Variants in NDST4 observed in about 807,000 individuals in gnomAD.
The protein encoded by NDST4 is N-heparan sulfate sulfotransferase 4.
A neutral mutation model predicts 100.8 loss-of-function variants in NDST4; 63 were observed. That is an observed-to-expected ratio of 0.62 (90% CI 0.51 to 0.77). The LOEUF is 0.77. Ranked by LOEUF, NDST4 falls within the 30% of genes least tolerant of loss-of-function variation. The pLI, the probability that NDST4 is intolerant of heterozygous loss-of-function variation, is 0.00. For synonymous variants in NDST4, 377 were observed against 361.8 expected, an observed-to-expected ratio of 1.04 and a Z score of -0.48; for missense variants, 943 against 1,018.4, an observed-to-expected ratio of 0.93 and a Z score of 1.01.
intron 1 of NDST4, among the ~76,000 whole-genome samples, chr4:115,080,750 A>T (rs939516353): frequency 6.6e-6 from 1 of 151,918 alleles, no homozygotes; most frequent in Non-Finnish European, 1.5e-5. Context: ...GTCGAAGGAG[A>T]TTATTAATCT....
rs367579960 is a variant in NDST4, at chr4:114,877,087, C to CACACACAT, written c.1537-6138_1537-6137insATGTGTGT. Among the ~76,000 whole-genome samples the CACACACAT allele has an allele frequency of 3.2e-3, 487 of 151,602 alleles. 1 individual carries two copies. Among genetic ancestry groups the CACACACAT allele is most frequent in the African/African-American group, 1.0e-2 (414 of 41,488 alleles). ...TAACACACACACACACACACACACACGCGTGCACGCGCGCAAGCCTGGGCA... is the reference window on the plus strand; with the variant it reads ...TAACACACACACACACACACACACACACACACATGCGTGCACGCGCGCAAGCCTGGGCA... On this transcript the variant is annotated intron_variant, in intron 6 of 13. Transcript: ENST00000264363.
At chr4:114,894,920 T>C (rs556895767) in intron 6 of NDST4, among the ~76,000 whole-genome samples, 1 of 152,288 alleles carries the variant, frequency 6.6e-6, no homozygotes, top group Non-Finnish European at 1.5e-5. Flanking sequence ...GTTCCATCAA[T>C]ACCTAGTTTA....
rs1412779193 is a variant in NDST4, at chr4:114,852,605, A to T, written c.1816+120T>A. On this transcript the variant is annotated intron_variant, in intron 8 of 13. Coordinates refer to ENST00000264363, the MANE Select transcript of NDST4 (RefSeq NM_022569.3). ...GAGATGACAAGCAGTTCAAATAATA[A>T]ACTTGCATGGATAGCTAAATATTTC... 8.4e-6 allele frequency: 5 copies of T among 596,234 alleles called. No homozygotes were observed. The African/African-American group carries it at 9.6e-5, about 11-fold the overall frequency. The allele number at this position is 596,234 out of a possible 1,614,324, so 36.9% of individuals were successfully genotyped here.
At chr4:115,065,792 T>C (rs2126285351) in intron 2 of NDST4, among the ~76,000 whole-genome samples, 1 of 152,260 alleles carries the variant, frequency 6.6e-6, no homozygotes, top group East Asian at 1.9e-4. Flanking sequence ...ATAGGGGATT[T>C]ATATTCTGGC....
chr4:115,032,766 C>T (rs28681493), intron 2 of NDST4, among the ~76,000 whole-genome samples: 15,223 of 151,944 alleles, frequency 0.1, 2,341 homozygotes, highest in African/African-American at 0.33. Flanking sequence ...ATAGTTGTTG[C>T]TGATGTTATA....
chr4:114,830,619 G>A (rs1560767991), intron 12 of NDST4, among the ~76,000 whole-genome samples: 2 of 152,170 alleles, frequency 1.3e-5, no homozygotes, highest in African/African-American at 2.4e-5. Context: ...AGTCAAATAT[G>A]TAAGAATTTT....
At chr4:115,001,466 T>C (rs187309031) in intron 2 of NDST4, among the ~76,000 whole-genome samples, 1 of 150,696 alleles carries the variant, frequency 6.6e-6, no homozygotes, top group Non-Finnish European at 1.5e-5. Context: ...GATTCATGGG[T>C]TTTTTTTTCC....
chr4:114,884,517 C>G (rs1724437293), intron 6 of NDST4, among the ~76,000 whole-genome samples: 1 of 152,060 alleles, frequency 6.6e-6, no homozygotes, highest in Non-Finnish European at 1.5e-5. Context: ...CATACATGTT[C>G]TGATAGTAGT....
chr4:114,929,140 C>T (rs1433017615), intron 6 of NDST4, among the ~76,000 whole-genome samples: 1 of 151,406 alleles, frequency 6.6e-6, no homozygotes, highest in Non-Finnish European at 1.5e-5. Context: ...ATCTATCTAT[C>T]TATCTATCTA....
chr4:114,953,020 CT>C (rs201567077), intron 4 of NDST4, among the ~76,000 whole-genome samples: 4,307 of 135,894 alleles, frequency 0.032, 148 homozygotes, highest in African/African-American at 0.093. Flanking sequence ...CATTTTTTTT[CT>C]TTTTTTTTTT....
intron 2 of NDST4, among the ~76,000 whole-genome samples, chr4:115,041,315 G>C (rs998778617): frequency 4.6e-5 from 7 of 152,002 alleles, no homozygotes; most frequent in Non-Finnish European, 8.8e-5. Context: ...CAGACTATTA[G>C]ACAACTTATT....
chr4:114,986,832 A>G lies in NDST4; in HGVS notation c.979-9558T>C, dbSNP rs1837805. Among the ~76,000 whole-genome samples the G allele has an allele frequency of 1.3e-4, 12 of 94,656 alleles. 1 individual carries two copies. Among genetic ancestry groups the G allele is most frequent in the Non-Finnish European group, 2.6e-4 (12 of 46,230 alleles). 62.1% of individuals were successfully genotyped at this position (94,656 alleles called of 152,430 possible). A position where few individuals can be genotyped will look rare whatever the true frequency, so the allele number is the denominator to read the frequency against. On this transcript the variant is annotated intron_variant, in intron 2 of 13. Coordinates refer to ENST00000264363, the MANE Select transcript of NDST4 (RefSeq NM_022569.3). The stretch of plus-strand genomic sequence containing the variant: ...TATATATATATATATATATATATAT[A>G]TTTTAATATACTATTCCTATAAGCT...
intron 7 of NDST4, among the ~76,000 whole-genome samples, chr4:114,857,319 C>A (rs1214997046): frequency 6.6e-6 from 1 of 152,088 alleles, no homozygotes; most frequent in African/African-American, 2.4e-5. Context: ...AACTACCCAC[C>A]ATGAACTGAA....
intron 2 of NDST4, among the ~76,000 whole-genome samples, chr4:114,992,057 C>T (rs951554409): frequency 6.6e-6 from 1 of 151,504 alleles, no homozygotes; most frequent in African/African-American, 2.4e-5. Flanking sequence ...TCCCATATAC[C>T]GAATACTTAT....
intron 5 of NDST4, among the ~76,000 whole-genome samples, chr4:114,936,139 GAT>G (rs1725624160): frequency 6.6e-6 from 1 of 151,846 alleles, no homozygotes; most frequent in Non-Finnish European, 1.5e-5. Flanking sequence ...TGCCATACAA[GAT>G]CCAATGATGT....
rs1729477785 is a variant in NDST4, at chr4:115,089,808, A to C, written c.-246-12526T>G. ...TCTCAGAATCAAGCCTAAAGTTTTG[A>C]AAATTGGAAAACCAATTGCACCAAA... On this transcript the variant is annotated intron_variant, in intron 1 of 13. Transcript: ENST00000264363. 3.3e-5 allele frequency among the ~76,000 whole-genome samples: 5 copies of C among 151,918 alleles called. No homozygotes were observed. The South Asian group carries it at 1.0e-3, about 31-fold the overall frequency.
At chr4:115,024,526 C>A (rs1443264262) in intron 2 of NDST4, among the ~76,000 whole-genome samples, 2 of 152,068 alleles carry the variant, frequency 1.3e-5, no homozygotes, top group African/African-American at 2.4e-5. Flanking sequence ...AATGGGAATG[C>A]CTCTCCTTTG....
chr4:114,907,079 C>G (rs1468908888), intron 6 of NDST4, among the ~76,000 whole-genome samples: 6 of 152,054 alleles, frequency 3.9e-5, no homozygotes, highest in African/African-American at 1.2e-4. Context: ...CAGATATGAT[C>G]CTAACTAGCT....
Position 114,906,127 on chromosome 4 carries a change from C to T in NDST4, c.1536+29079G>A, listed in dbSNP as rs181669716. Among the ~76,000 whole-genome samples the T allele has an allele frequency of 4.6e-5, 7 of 151,742 alleles. No individual in the cohort carries two copies. The East Asian group carries it at 9.7e-4, about 21-fold the overall frequency. On this transcript the variant is annotated intron_variant, in intron 6 of 13. Transcript: ENST00000264363. ...TCATAACATAATTAACTATAAAATA[C>T]GAAGCTGAAAAGTATTATTCTCAGT... is the stretch of plus-strand genomic sequence containing the variant.
Sources: allele counts gnomAD v4.1 joint callset (sites outside exome capture counted in the v4.1 genomes callset), GRCh38; gene constraint gnomAD v4.1.1; transcripts MANE v1.5; gene names NCBI Gene and HGNC (gene_info 2026-07-23, HGNC 2026-07-21).